The following EIF2AK4 variants were observed in gnomAD, a reference collection of about 807,000 sequenced individuals.
The protein encoded by EIF2AK4 is eIF-2-alpha kinase GCN2.
Under a neutral mutation model 211.1 loss-of-function variants are expected in EIF2AK4, and 139 were observed. That is an observed-to-expected ratio of 0.66 (90% confidence interval 0.57 to 0.76). EIF2AK4 has a LOEUF of 0.76. Ranked by LOEUF, EIF2AK4 falls within the 30% of genes least tolerant of loss-of-function variation. The pLI is 0.00. For missense variants in EIF2AK4, 1,664 were observed against 2,043.8 expected, an observed-to-expected ratio of 0.81 and a Z score of 3.58; for synonymous variants, 710 against 751.3, an observed-to-expected ratio of 0.94 and a Z score of 0.90.
At chr15:40,007,338 T>C (rs1317035727) in intron 24 of EIF2AK4, among the ~76,000 whole-genome samples, 1 of 152,256 alleles carries the variant, frequency 6.6e-6, no homozygotes, top group Non-Finnish European at 1.5e-5. Flanking sequence ...ACATTACTAA[T>C]TATTTTCACA....
chr15:39,968,373 A>G (rs1208049096), intron 9 of EIF2AK4, among the ~76,000 whole-genome samples: 2 of 152,220 alleles, frequency 1.3e-5, no homozygotes, highest in African/African-American at 4.8e-5. Context: ...CAATACCTGT[A>G]AATCACAGGT....
intron 9 of EIF2AK4, among the ~76,000 whole-genome samples, chr15:39,972,071 A>G (rs1310848678): frequency 1.3e-5 from 2 of 152,116 alleles, no homozygotes; most frequent in Non-Finnish European, 2.9e-5. Context: ...AAAAGAAAGT[A>G]TATGAGGCCG....
In EIF2AK4 at chr15:40,022,579, T is replaced by G; in HGVS notation, c.4363T>G (p.Ser1455Ala). The G allele has an allele frequency of 1.2e-6, 2 of 1,614,194 alleles. No homozygotes were observed. Among genetic ancestry groups the G allele is most frequent in the Non-Finnish European group, 1.7e-6 (2 of 1,180,040 alleles). ...TGAAATCACCTATGTGGCCCTTGTC[T>G]CGGATAAAGAAGGAAGCCATGTCAA... ...HHEITYVALVSDKEGSHVKVK... is the reference protein window; with the variant it reads ...HHEITYVALVADKEGSHVKVK... Residue 1455 changes from serine (S) to alanine (A), a missense_variant, in exon 32 of 39, where the codon TCG becomes GCG. Physicochemically the swap from Ser to Ala is moderately conservative, Grantham distance 99. Transcript: ENST00000263791.
chr15:39,972,864 CTGAT>C, intron 9 of EIF2AK4, 40 bp from the exon 10 acceptor site: 3 of 1,511,772 alleles, frequency 2.0e-6, no homozygotes, highest in Non-Finnish European at 2.8e-6. Context: ...TAGTTTAGCA[CTGAT>C]TGTTTGTGAT....
chr15:39,968,688 C>G (rs1284061238), intron 9 of EIF2AK4, among the ~76,000 whole-genome samples: 3 of 152,076 alleles, frequency 2.0e-5, no homozygotes, highest in African/African-American at 7.2e-5. Flanking sequence ...CAATCATTTG[C>G]TTTTATTCAC....
intron 27 of EIF2AK4, among the ~76,000 whole-genome samples, chr15:40,013,211 G>A (rs958800912): frequency 5.3e-5 from 8 of 151,500 alleles, no homozygotes; most frequent in South Asian, 4.2e-4. Context: ...GCACTGTCAC[G>A]CAGGCTAGAT....
rs138539661 is a variant in EIF2AK4 at position 39,984,575 on chromosome 15, G to A, written c.2320-1230G>A. On this transcript the variant is annotated intron_variant, in intron 13 of 38. Coordinates refer to ENST00000263791, the MANE Select transcript of EIF2AK4 (RefSeq NM_001013703.4). ...CTTGAAGAGGTCCTTCACATCCCTT[G>A]TAAGTTGTATTCCTAGATATTTTAT... Among the ~76,000 whole-genome samples, 4 of 152,244 alleles carry A rather than the reference G, an allele frequency of 2.6e-5. No individual in the cohort carries two copies. In the East Asian group the frequency reaches 7.7e-4, roughly 29 times the overall value.
At chr15:40,005,541 G>A (rs1312220319) in intron 23 of EIF2AK4, among the ~76,000 whole-genome samples, 3 of 150,666 alleles carry the variant, frequency 2.0e-5, no homozygotes, top group Non-Finnish European at 4.4e-5. Context: ...CTGTACATAA[G>A]GTATACTGTG....
chr15:39,976,838 C>G lies in EIF2AK4; in HGVS notation c.2243C>G (p.Ser748Cys). The stretch of plus-strand genomic sequence containing the variant: ...GAGCACGGTGGCGTCTTCTCCCAGT[C>G]CTTCCTGTAAGCGCACGGCGCGGAC... ...EDEHGGVFSQ[S>C]FLPASDSESD... Residue 748 changes from serine (S) to cysteine (C), a missense_variant, in exon 12 of 39, where the codon TCC becomes TGC. Physicochemically the swap from Ser to Cys is moderately radical, Grantham distance 112 (BLOSUM62 -1). This residue lies in a region of EIF2AK4 where 206 missense variants were observed against 201.9 expected (regional missense o/e 1.02). Coordinates refer to ENST00000263791, the MANE Select transcript of EIF2AK4 (RefSeq NM_001013703.4). 1 of 1,519,750 alleles carries G rather than the reference C, an allele frequency of 6.6e-7. No homozygotes were observed. Among genetic ancestry groups the G allele is most frequent in the Non-Finnish European group, 8.8e-7 (1 of 1,135,538 alleles). The allele number at this position is 1,519,750 out of a possible 1,614,324, so 94.1% of individuals were successfully genotyped here.
intron 27 of EIF2AK4, among the ~76,000 whole-genome samples, chr15:40,013,751 TG>T (rs995115531): frequency 1.3e-5 from 2 of 152,182 alleles, no homozygotes; most frequent in Admixed American, 1.3e-4. Flanking sequence ...CAGTTCAAGA[TG>T]AAATTTGCAT....
chr15:39,954,754 A>T (rs1013409042), intron 5 of EIF2AK4, among the ~76,000 whole-genome samples: 1 of 152,188 alleles, frequency 6.6e-6, no homozygotes, highest in Non-Finnish European at 1.5e-5. Context: ...AACCAGTCAG[A>T]CGTGTTTGGA....
intron 37 of EIF2AK4, among the ~76,000 whole-genome samples, chr15:40,033,528 T>C (rs1189417938): frequency 6.6e-6 from 1 of 152,230 alleles, no homozygotes; most frequent in Non-Finnish European, 1.5e-5. Flanking sequence ...CAACATGTCA[T>C]ATCAAAGAAT....
At chr15:40,015,930 C>T (rs1245578529) in intron 27 of EIF2AK4, among the ~76,000 whole-genome samples, 1 of 152,216 alleles carries the variant, frequency 6.6e-6, no homozygotes, top group Admixed American at 6.5e-5. Flanking sequence ...CTGACCTCTT[C>T]TGGGGCAGTC....
intron 4 of EIF2AK4, among the ~76,000 whole-genome samples, chr15:39,952,294 C>T (rs1312150574): frequency 1.6e-5 from 2 of 128,004 alleles, no homozygotes. Flanking sequence ...GATTTTTTTT[C>T]TTTTTTTTTT....
chr15:39,975,090 A>G (rs990185807), intron 11 of EIF2AK4: 1 of 152,232 alleles, frequency 6.6e-6, no homozygotes, highest in Non-Finnish European at 1.5e-5. Flanking sequence ...ACACAGGGCT[A>G]TCATTTTTTG....
At chr15:40,015,244 GTACCAA>G (rs1331539981) in intron 27 of EIF2AK4, among the ~76,000 whole-genome samples, 1 of 152,016 alleles carries the variant, frequency 6.6e-6, no homozygotes, top group Admixed American at 6.6e-5. Flanking sequence ...AACTCTACCG[GTACCAA>G]TTTACTGTAT....
chr15:39,935,570 ATCCTC>A, intron 1 of EIF2AK4, among the ~76,000 whole-genome samples: 2 of 151,986 alleles, frequency 1.3e-5, no homozygotes, highest in Non-Finnish European at 2.9e-5. Context: ...AGCTCATGCA[ATCCTC>A]TCACCTTGGC....
At chr15:39,992,694 CT>C in intron 17 of EIF2AK4, 74 bp from the exon 18 acceptor site, 10 of 1,351,390 alleles carry the variant, frequency 7.4e-6, no homozygotes, top group East Asian at 2.3e-5. Context: ...TTTAAGAAAC[CT>C]TTTTTTGTTT....
At chr15:39,936,051 G>C (rs955061747) in intron 1 of EIF2AK4, among the ~76,000 whole-genome samples, 2 of 152,118 alleles carry the variant, frequency 1.3e-5, no homozygotes, top group Non-Finnish European at 2.9e-5. Context: ...GCTTCATTCT[G>C]AACTAGTTTG....
Sources: allele counts gnomAD v4.1 joint callset (sites outside exome capture counted in the v4.1 genomes callset), GRCh38; gene constraint gnomAD v4.1.1; regional missense constraint gnomAD v4.1.1; transcripts MANE v1.5; gene names NCBI Gene and HGNC (gene_info 2026-07-23, HGNC 2026-07-21).